The following KCNT2 variants were observed in gnomAD, a reference collection of about 807,000 sequenced individuals.
KCNT2 encodes the protein potassium sodium-activated channel subfamily T member 2.
Under a neutral mutation model 153.8 loss-of-function variants are expected in KCNT2, and 67 were observed. That is an observed-to-expected ratio of 0.44 (90% CI 0.36 to 0.53). The LOEUF (loss-of-function observed/expected upper bound fraction) is 0.53, where lower values mean the gene tolerates loss of function less well. KCNT2 is among the 20% of genes least tolerant of loss of function. The pLI, the probability that KCNT2 is intolerant of heterozygous loss-of-function variation, is 0.00. For missense variants in KCNT2, 975 were observed against 1,354.8 expected, an observed-to-expected ratio of 0.72 and a Z score of 4.40; for synonymous variants, 500 against 458.8, an observed-to-expected ratio of 1.09 and a Z score of -1.15.
chr1:196,494,917 G>A (rs940195958), intron 1 of KCNT2, among the ~76,000 whole-genome samples: 1 of 151,636 alleles, frequency 6.6e-6, no homozygotes, highest in Non-Finnish European at 1.5e-5. Context: ...AATGTGGAGA[G>A]CTCTCCAATA....
intron 26 of KCNT2, among the ~76,000 whole-genome samples, chr1:196,256,012 C>G (rs1265857104): frequency 1.3e-5 from 2 of 151,886 alleles, no homozygotes; most frequent in African/African-American, 4.8e-5. Flanking sequence ...TTGTTTTAAT[C>G]TCTCAAAAGG....
chr1:196,228,268 A>AG lies in KCNT2; in HGVS notation c.3363dup (p.Cys1122LeufsTer20). 6.2e-7 allele frequency: 1 copy of AG among 1,611,996 alleles called. No individual in the cohort carries two copies. ...CGAGAATCTTGACCAGTGACATTGCAGATGCTGTTTCTTCGACTGGGCTCA... is the reference window on the plus strand; with the variant it reads ...CGAGAATCTTGACCAGTGACATTGCAGGATGCTGTTTCTTCGACTGGGCTCA... On this transcript the variant is annotated frameshift_variant, in exon 28 of 28. Transcript: ENST00000294725. LOFTEE classifies it high-confidence loss of function.
intron 8 of KCNT2, among the ~76,000 whole-genome samples, chr1:196,437,468 T>C (rs184397808): frequency 3.8e-4 from 55 of 145,914 alleles, no homozygotes; most frequent in African/African-American, 1.3e-3. Context: ...ACACATTTTG[T>C]TTATTATCCT....
intron 12 of KCNT2, among the ~76,000 whole-genome samples, chr1:196,413,742 A>T (rs192353485): frequency 0.01 from 1,532 of 151,862 alleles, 15 homozygotes; most frequent in Non-Finnish European, 0.018. Context: ...TTTCAAATTC[A>T]TGATTACCTA....
At chr1:196,516,700 T>TACCC (rs2148813018) in intron 1 of KCNT2, among the ~76,000 whole-genome samples, 1 of 152,190 alleles carries the variant, frequency 6.6e-6, no homozygotes, top group East Asian at 1.9e-4. Flanking sequence ...TCAAGCAGGG[T>TACCC]ACCTAGCCAC....
Position 196,423,037 on chromosome 1 carries a change from T to G in KCNT2, c.1185+13A>C. ...GAAAGCACAACTTACTAAAAAAGAT[T>G]TTAGAAACTTACAGATGATGTCCTA... On this transcript the variant is annotated intron_variant, in intron 12 of 27. Transcript: ENST00000294725. 6.5e-7 allele frequency: 1 copy of G among 1,532,034 alleles called. No homozygotes were observed. Among genetic ancestry groups the G allele is most frequent in the South Asian group, 1.3e-5 (1 of 78,958 alleles). 94.9% of individuals were successfully genotyped at this position (1,532,034 alleles called of 1,614,324 possible).
intron 14 of KCNT2, among the ~76,000 whole-genome samples, chr1:196,372,780 T>C (rs1163922323): frequency 6.6e-6 from 1 of 151,962 alleles, no homozygotes; most frequent in Non-Finnish European, 1.5e-5. Context: ...CTTATACTAA[T>C]AACTGTGAGA....
chr1:196,279,851 C>T (rs775219435), intron 25 of KCNT2, among the ~76,000 whole-genome samples: 7 of 151,902 alleles, frequency 4.6e-5, no homozygotes, highest in Non-Finnish European at 1.0e-4. Flanking sequence ...TCAGCAACAA[C>T]AAAAATCTAC....
At position 196,341,592 on chromosome 1, in the gene KCNT2, C is replaced by CT. The variant is rs374390381; in HGVS notation, c.1553+486dup. On this transcript the variant is annotated intron_variant, in intron 15 of 27. Transcript: ENST00000294725. The stretch of plus-strand genomic sequence containing the variant: ...TACATTTTTACTTCTTAAGTAAATC[C>CT]TTTTTTTTTCCAAAAAGGAAAAGAA... Among the ~76,000 whole-genome samples, 320 of 148,964 alleles carry CT rather than the reference C, an allele frequency of 2.1e-3. 9 individuals carry two copies. In the East Asian group the frequency reaches 0.057, roughly 26 times the overall value.
intron 8 of KCNT2, among the ~76,000 whole-genome samples, chr1:196,440,944 A>G (rs1357428503): frequency 1.3e-5 from 2 of 151,870 alleles, no homozygotes; most frequent in Admixed American, 1.3e-4. Flanking sequence ...CGGTCTATAC[A>G]TACAGACCCA....
intron 14 of KCNT2, among the ~76,000 whole-genome samples, chr1:196,350,674 A>G (rs896097734): frequency 5.3e-5 from 8 of 151,954 alleles, no homozygotes; most frequent in Non-Finnish European, 8.8e-5. Flanking sequence ...TCTGATGGTA[A>G]TTTCTTTTGC....
intron 25 of KCNT2, among the ~76,000 whole-genome samples, chr1:196,276,030 T>A (rs1050670703): frequency 6.6e-6 from 1 of 152,004 alleles, no homozygotes; most frequent in African/African-American, 2.4e-5. Context: ...CTCTTTTAGT[T>A]GGTTATGTTG....
intron 1 of KCNT2, among the ~76,000 whole-genome samples, chr1:196,583,476 T>C (rs111647284): frequency 3.3e-5 from 5 of 152,106 alleles, no homozygotes; most frequent in Non-Finnish European, 7.4e-5. Flanking sequence ...ACAAATATCA[T>C]GATTTGGAAA....
chr1:196,500,044 A>T (rs1220092474), intron 1 of KCNT2, among the ~76,000 whole-genome samples: 2 of 151,774 alleles, frequency 1.3e-5, no homozygotes, highest in Non-Finnish European at 2.9e-5. Context: ...CTTGGGAGAC[A>T]GAGGCAGAAG....
chr1:196,383,701 C>A lies in KCNT2; in HGVS notation c.1295-10453G>T, dbSNP rs555603814. Among the ~76,000 whole-genome samples, 30 of 152,174 alleles carry A rather than the reference C, an allele frequency of 2.0e-4. No individual in the cohort carries two copies. The South Asian group carries it at 6.0e-3, about 30-fold the overall frequency. ...ACTGTAACCCTCAGGAAATTCGTGT[C>A]TTTAAATCAAAAAAATAAACTTTTG... On this transcript the variant is annotated intron_variant, in intron 13 of 27. Coordinates refer to ENST00000294725, the MANE Select transcript of KCNT2 (RefSeq NM_198503.5).
chr1:196,336,730 G>C (rs1665074424), intron 16 of KCNT2, among the ~76,000 whole-genome samples: 1 of 152,176 alleles, frequency 6.6e-6, no homozygotes, highest in Non-Finnish European at 1.5e-5. Context: ...AAAGTCAATT[G>C]ACACTTCTCA....
At chr1:196,552,678 A>C (rs1658072053) in intron 1 of KCNT2, among the ~76,000 whole-genome samples, 1 of 151,494 alleles carries the variant, frequency 6.6e-6, no homozygotes, top group Admixed American at 6.6e-5. Context: ...CAGAAAGACT[A>C]ATTGATGAAC....
intron 12 of KCNT2, among the ~76,000 whole-genome samples, chr1:196,403,252 C>T (rs1170190188): frequency 6.6e-6 from 1 of 151,532 alleles, no homozygotes; most frequent in Non-Finnish European, 1.5e-5. Context: ...ACTATCAATC[C>T]AAGAAAAGAC....
At chr1:196,339,520 C>CAG (rs5779831) in intron 16 of KCNT2, among the ~76,000 whole-genome samples, 5,450 of 137,916 alleles carry the variant, frequency 0.04, 308 homozygotes, top group African/African-American at 0.14. Context: ...CACACACACA[C>CAG]AGAGAGAGAG....
Sources: gnomAD v4.1 joint callset for allele counts (sites outside exome capture counted in the v4.1 genomes callset) on GRCh38, gnomAD v4.1.1 for gene constraint, MANE v1.5 for transcripts, NCBI Gene and HGNC (gene_info 2026-07-23, HGNC 2026-07-21) for gene names.